Variants in KCNH2 observed in about 807,000 individuals in gnomAD.
The protein encoded by KCNH2 is potassium voltage-gated channel subfamily H member 2.
Under a neutral mutation model 95.9 loss-of-function variants are expected in KCNH2, and 35 were observed. The ratio of observed to expected loss-of-function variants is 0.37; its 90% confidence interval spans 0.28 to 0.48. The LOEUF (loss-of-function observed/expected upper bound fraction) is 0.48, where lower values mean the gene tolerates loss of function less well. KCNH2 is among the 20% of genes least tolerant of loss of function. KCNH2 has a pLI of 0.99. For synonymous variants in KCNH2, 786 were observed against 754.7 expected, an observed-to-expected ratio of 1.04 and a Z score of -0.68; for missense variants, 1,274 against 1,702.9, an observed-to-expected ratio of 0.75 and a Z score of 4.43.
At chr7:150,976,859 T>C (rs1256911505) in intron 1 of KCNH2, among the ~76,000 whole-genome samples, 1 of 147,948 alleles carries the variant, frequency 6.8e-6, no homozygotes, top group Non-Finnish European at 1.5e-5. Flanking sequence ...ATCTTGTTCC[T>C]CCGCTTCACA....
At chr7:150,954,891 C>T (rs557337821) in intron 5 of KCNH2, among the ~76,000 whole-genome samples, 10 of 152,296 alleles carry the variant, frequency 6.6e-5, no homozygotes, top group South Asian at 6.2e-4. Context: ...CAGCCCAGCG[C>T]GCCCTCACCA....
chr7:150,949,902 C>A, intron 9 of KCNH2: 1 of 1,461,684 alleles, frequency 6.8e-7, no homozygotes, highest in Non-Finnish European at 9.2e-7. Context: ...TTTGATCCTA[C>A]TTTAAGGAAG....
In KCNH2 at chr7:150,947,460, CG is replaced by C; in HGVS notation, c.3019del (p.Arg1007AlafsTer50). On this transcript the variant is annotated frameshift_variant, in exon 13 of 15. Coordinates refer to ENST00000262186, the MANE Select transcript of KCNH2 (RefSeq NM_000238.4). LOFTEE classifies it high-confidence loss of function. ...IFSFWGDSRG[R>X]QYQELPRCPA... ...GCATCGAGGGAGCTCCTGGTACTGG[CG>C]GCCCCGACTGTCCCCCCAGAAGCTG... 1 of 1,569,322 alleles carries C rather than the reference CG, an allele frequency of 6.4e-7. No homozygotes were observed. The highest frequency in any genetic ancestry group is 8.6e-7 in the Non-Finnish European group (1 of 1,157,810).
At chr7:150,957,229 A>G in intron 5 of KCNH2, 62 bp downstream of exon 5, 5 of 1,395,306 alleles carry the variant, frequency 3.6e-6, no homozygotes, top group Non-Finnish European at 5.0e-6. Context: ...ATCACAGCCC[A>G]CTCCCACCCC....
chr7:150,971,082 ATTTAAAGGAATG>A (rs1309362297), intron 2 of KCNH2, among the ~76,000 whole-genome samples: 1 of 152,198 alleles, frequency 6.6e-6, no homozygotes, highest in Non-Finnish European at 1.5e-5. Flanking sequence ...AGGGCGTCTG[ATTTAAAGGAATG>A]GGCACAGGAA....
intron 2 of KCNH2, 36 bp downstream of exon 2, chr7:150,974,675 G>A: frequency 6.5e-6 from 2 of 309,640 alleles, no homozygotes; most frequent in Non-Finnish European, 1.0e-5. Flanking sequence ...TCTTGACCCC[G>A]CCCCTGGTCG....
rs1801564667 is a variant in KCNH2, at chr7:150,961,441, C to G, written c.308-1705G>C. ...GCCTCCCAAGTAGCTGGGACTACAG[C>G]TGCATGCTACCACACCCAGCTAACT... is the stretch of plus-strand genomic sequence containing the variant. On this transcript the variant is annotated intron_variant, in intron 2 of 14. Coordinates refer to ENST00000262186, the MANE Select transcript of KCNH2 (RefSeq NM_000238.4). The surrounding 1 kb of genome is among the most constrained non-coding windows in gnomAD (Gnocchi z 6.2). Among the ~76,000 whole-genome samples, 1 of 152,072 alleles carries G rather than the reference C, an allele frequency of 6.6e-6. No individual in the cohort carries two copies. The highest frequency in any genetic ancestry group is 2.4e-5 in the African/African-American group (1 of 41,378).
In KCNH2 at chr7:150,961,590, G is replaced by A. The variant is rs35760656; in HGVS notation, c.308-1854C>T. ...GCAAGGATTACAGGTGTGAGCCACC[G>A]CACCCAGCCTCTCCTCACCTTTCTA... On this transcript the variant is annotated intron_variant, in intron 2 of 14. Coordinates refer to ENST00000262186, the MANE Select transcript of KCNH2 (RefSeq NM_000238.4). This position sits in a 1 kb window ranked among gnomAD's most constrained non-coding sequence, Gnocchi z 6.2. Among the ~76,000 whole-genome samples, 42,989 of 151,942 alleles carry A rather than the reference G, an allele frequency of 0.28. 6,771 individuals carry two copies. Among genetic ancestry groups the A allele is most frequent in the East Asian group, 0.65 (3,343 of 5,156 alleles).
At position 150,967,050 on chromosome 7, in the gene KCNH2, G is replaced by A. The variant is rs927614365; in HGVS notation, c.308-7314C>T. On this transcript the variant is annotated intron_variant, in intron 2 of 14. Coordinates refer to ENST00000262186, the MANE Select transcript of KCNH2 (RefSeq NM_000238.4). ...ATCCAGCACTTTGGGAGGCCAAGGCGGGCGGATCACCTGAGGTCAGGAGTT... is the reference window on the plus strand; with the variant it reads ...ATCCAGCACTTTGGGAGGCCAAGGCAGGCGGATCACCTGAGGTCAGGAGTT... Among the ~76,000 whole-genome samples the A allele has an allele frequency of 2.4e-4, 37 of 152,262 alleles. No individual in the cohort carries two copies. In the South Asian group the frequency reaches 2.5e-3, roughly 10 times the overall value.
chr7:150,977,508 C>T (rs931143641), intron 1 of KCNH2, among the ~76,000 whole-genome samples: 2 of 152,168 alleles, frequency 1.3e-5, no homozygotes, highest in Non-Finnish European at 2.9e-5. Flanking sequence ...GCCCCATCCA[C>T]GTCCACGCAC....
intron 5 of KCNH2, chr7:150,955,542 C>G (rs1455333279): frequency 6.6e-7 from 1 of 1,523,416 alleles, no homozygotes; most frequent in Admixed American, 2.0e-5. Flanking sequence ...GCCCTGGGGC[C>G]TGAGGGCCCG....
At chr7:150,960,528 T>C (rs1369532782) in intron 2 of KCNH2, among the ~76,000 whole-genome samples, 1 of 152,216 alleles carries the variant, frequency 6.6e-6, no homozygotes, top group Non-Finnish European at 1.5e-5. Context: ...GCACACAAGA[T>C]AAGGACAGAC....
At position 150,958,516 on chromosome 7, in the gene KCNH2, G is replaced by A. The variant is rs1435361599; in HGVS notation, c.473-14C>T. 1 of 1,474,542 alleles carries A rather than the reference G, an allele frequency of 6.8e-7. No homozygotes were observed. Among genetic ancestry groups the A allele is most frequent in the Non-Finnish European group, 8.9e-7 (1 of 1,119,662 alleles). 91.3% of individuals were successfully genotyped at this position (1,474,542 alleles called of 1,614,324 possible). ...TCTTGGCGCGGCCTGCGGGAGAGGAGAGGCACGTGGTCGTGGGGATCGCGA... is the reference window on the plus strand; with the variant it reads ...TCTTGGCGCGGCCTGCGGGAGAGGAAAGGCACGTGGTCGTGGGGATCGCGA... On this transcript the variant is annotated splice_polypyrimidine_tract_variant and intron_variant, in intron 3 of 14. Transcript: ENST00000262186.
At chr7:150,976,797 A>T (rs1312718298) in intron 1 of KCNH2, among the ~76,000 whole-genome samples, 1 of 15,174 alleles carries the variant, frequency 6.6e-5, no homozygotes, top group East Asian at 1.8e-3. Flanking sequence ...GCCCACCCCC[A>T]CCTCTCAGGG....
chr7:150,960,539 G>A (rs1045301204), intron 2 of KCNH2, among the ~76,000 whole-genome samples: 2 of 152,156 alleles, frequency 1.3e-5, no homozygotes, highest in Non-Finnish European at 2.9e-5. Context: ...AAGGACAGAC[G>A]TTGAGAGCAA....
At chr7:150,949,754 G>A (rs943545934) in intron 9 of KCNH2, 10 of 1,191,796 alleles carry the variant, frequency 8.4e-6, no homozygotes, top group Non-Finnish European at 1.1e-5. Context: ...GGGGGGAGGG[G>A]GCAGGACTCC....
In KCNH2 at chr7:150,952,591, A is replaced by T. The variant is rs1801219752; in HGVS notation, c.1391T>A (p.Ile464Asn). ...VVDLIVDIMFIVDILINFRTT... is the reference protein window; with the variant it reads ...VVDLIVDIMFNVDILINFRTT... ...GCGGAAGTTGATGAGGATGTCCACA[A>T]TGAACATGATGTCCACGATGAGGTC... is the stretch of plus-strand genomic sequence containing the variant. Residue 464 changes from isoleucine (I) to asparagine (N), a missense_variant, in exon 6 of 15, where the codon ATT becomes AAT. Physicochemically the swap from Ile to Asn is moderately radical, Grantham distance 149. Coordinates refer to ENST00000262186, the MANE Select transcript of KCNH2 (RefSeq NM_000238.4). This position sits in a 1 kb window ranked among gnomAD's most constrained non-coding sequence, Gnocchi z 7.3. 6.2e-7 allele frequency: 1 copy of T among 1,614,070 alleles called. No homozygotes were observed. The highest frequency in any genetic ancestry group is 1.7e-5 in the Admixed American group (1 of 60,010).
chr7:150,950,898 T>C, intron 8 of KCNH2, 23 bp downstream of exon 8: 1 of 1,611,208 alleles, frequency 6.2e-7, no homozygotes, highest in South Asian at 1.1e-5. Flanking sequence ...TGCCACCCAC[T>C]GGCCACGCTC....
rs955152332 is a variant in KCNH2 at position 150,952,126 on chromosome 7, T to A, written c.1558-291A>T. On this transcript the variant is annotated intron_variant, in intron 6 of 14. Coordinates refer to ENST00000262186, the MANE Select transcript of KCNH2 (RefSeq NM_000238.4). This position sits in a 1 kb window ranked among gnomAD's most constrained non-coding sequence, Gnocchi z 7.3. ...CCACTCCCACCAGCTTCTAGGGCACTTTGGTGACGCTACAAAATAATGGCC... is the reference window on the plus strand; with the variant it reads ...CCACTCCCACCAGCTTCTAGGGCACATTGGTGACGCTACAAAATAATGGCC... Among the ~76,000 whole-genome samples, 3 of 152,112 alleles carry A rather than the reference T, an allele frequency of 2.0e-5. No homozygotes were observed. Among genetic ancestry groups the A allele is most frequent in the Non-Finnish European group, 1.5e-5 (1 of 68,004 alleles).
Sources: gnomAD v4.1 joint callset for allele counts (sites outside exome capture counted in the v4.1 genomes callset) on GRCh38, gnomAD v4.1.1 for gene constraint, Gnocchi (gnomAD v3.1) non-coding constraint, MANE v1.5 for transcripts, NCBI Gene and HGNC (gene_info 2026-07-23, HGNC 2026-07-21) for gene names.